MSH6: variants seen among roughly 807,000 people sequenced by gnomAD.
MSH6 encodes the protein DNA mismatch repair protein Msh6.
MSH6 carries 85 observed loss-of-function variants against 119.1 expected under a neutral mutation model. That is an observed-to-expected ratio of 0.71 (90% confidence interval 0.60 to 0.85). The LOEUF is 0.85. Among genes scored for constraint, MSH6 ranks in the 40% least tolerant of loss-of-function variants. MSH6 has a pLI of 0.00. For synonymous variants in MSH6, 830 were observed against 586.9 expected (o/e 1.41, Z -5.99); for missense variants, 2,163 against 1,655.3 (o/e 1.31, Z -5.32).
chr2:47,799,161 C>G lies in MSH6; in HGVS notation c.1178C>G (p.Ala393Gly), dbSNP rs764110569. The G allele has an allele frequency of 5.0e-6, 8 of 1,613,268 alleles. No homozygotes were observed. The highest frequency in any genetic ancestry group is 6.8e-6 in the Non-Finnish European group (8 of 1,179,760). ...AGGCCTGATCACCCCGATTTTGATG[C>G]ATCTACACTCTATGTGCCTGAGGAT... ...RRRPDHPDFDASTLYVPEDFL... is the reference protein window; with the variant it reads ...RRRPDHPDFDGSTLYVPEDFL... Residue 393 changes from alanine (A) to glycine (G), a missense_variant, in exon 4 of 10, where the codon GCA (alanine) becomes GGA (glycine). Coordinates refer to ENST00000234420, the MANE Select transcript of MSH6 (RefSeq NM_000179.3).
chr2:47,806,510 ATAAATTCAT>A lies in MSH6; in HGVS notation c.3864_3872del (p.Phe1289_Lys1291del), dbSNP rs1553333481. ...AGCCAGGAGACTATTACGTTCCTCTATAAATTCATTAAGGGAGCTTGTCCTAAAAGCTAT... is the reference window on the plus strand; with the variant it reads ...AGCCAGGAGACTATTACGTTCCTCTATAAGGGAGCTTGTCCTAAAAGCTAT... On this transcript the variant is annotated inframe_deletion, in exon 9 of 10. Coordinates refer to ENST00000234420, the MANE Select transcript of MSH6 (RefSeq NM_000179.3). 1 of 1,614,082 alleles carries A rather than the reference ATAAATTCAT, an allele frequency of 6.2e-7. No homozygotes were observed. The highest frequency in any genetic ancestry group is 8.5e-7 in the Non-Finnish European group (1 of 1,179,976).
At chr2:47,794,174 C>G (rs1009550875) in intron 2 of MSH6, among the ~76,000 whole-genome samples, 1 of 151,700 alleles carries the variant, frequency 6.6e-6, no homozygotes, top group East Asian at 2.0e-4. Context: ...AACCCTGTCT[C>G]TACTAAAAAT....
intron 2 of MSH6, among the ~76,000 whole-genome samples, chr2:47,791,682 T>C (rs1458785483): frequency 2.0e-5 from 3 of 150,132 alleles, no homozygotes; most frequent in Non-Finnish European, 3.0e-5. Flanking sequence ...TTTCTTTTTT[T>C]TTTTTTTTTT....
chr2:47,783,179 C>G lies in MSH6; in HGVS notation c.-55C>G, dbSNP rs1419093086. The G allele has an allele frequency of 3.4e-5, 54 of 1,602,348 alleles. No individual in the cohort carries two copies. In the East Asian group the frequency reaches 1.1e-3, roughly 33 times the overall value. ...GCCAGCAGGAGCCGCGCGGTAGATG[C>G]GGTGCTTTTAGGAGCTCCGTCCGAC... On this transcript the variant is annotated 5_prime_UTR_variant, in exon 1 of 10. Coordinates refer to ENST00000234420, the MANE Select transcript of MSH6 (RefSeq NM_000179.3).
chr2:47,796,119 G>C (rs1669075371), intron 3 of MSH6, 56 bp downstream of exon 3: 1 of 1,577,582 alleles, frequency 6.3e-7, no homozygotes, highest in South Asian at 1.1e-5. Flanking sequence ...GGGGAAGAAA[G>C]GGGGAGGGTG....
rs1064793423 is a variant in MSH6 at position 47,799,638 on chromosome 2, A to G, written c.1655A>G (p.His552Arg). The G allele has an allele frequency of 6.2e-7, 1 of 1,614,052 alleles. No homozygotes were observed. The highest frequency in any genetic ancestry group is 1.7e-5 in the Admixed American group (1 of 60,000). The part of the protein sequence containing the change: ...LKEKEEDSSG[H>R]TRAYGVCFVD... Reference sequence around the variant, plus strand: ...GAAAAAGAGGAAGATTCTTCTGGCCATACTCGTGCATATGGTGTGTGCTTT... The same window carrying G: ...GAAAAAGAGGAAGATTCTTCTGGCCGTACTCGTGCATATGGTGTGTGCTTT... The change falls in exon 4 of 10, where the codon CAT becomes CGT. Residue 552 changes from histidine to arginine, a missense_variant. Coordinates refer to ENST00000234420, the MANE Select transcript of MSH6 (RefSeq NM_000179.3).
Position 47,791,076 on chromosome 2 carries a change from G to T in MSH6, c.410G>T (p.Ser137Ile), listed in dbSNP as rs1668699972. ...GTTCATGTACAGTTTTTTGATGACAGCCCAACAAGGGGCTGGGTTAGCAAA... is the reference window on the plus strand; with the variant it reads ...GTTCATGTACAGTTTTTTGATGACATCCCAACAAGGGGCTGGGTTAGCAAA... ...VRVHVQFFDD[S>I]PTRGWVSKRL... Residue 137 changes from serine to isoleucine, a missense_variant, in exon 2 of 10, where the codon AGC becomes ATC. Transcript: ENST00000234420. 1 of 1,614,196 alleles carries T rather than the reference G, an allele frequency of 6.2e-7. No individual in the cohort carries two copies. Among genetic ancestry groups the T allele is most frequent in the African/African-American group, 1.3e-5 (1 of 75,044 alleles).
chr2:47,784,352 C>T, intron 1 of MSH6: 1 of 677,300 alleles, frequency 1.5e-6, no homozygotes, highest in Non-Finnish European at 1.8e-6. Context: ...TTATGGGGCA[C>T]CACTGGGCTT....
Position 47,800,623 on chromosome 2 carries a change from T to C in MSH6, c.2640T>C (p.Asp880=), listed in dbSNP as rs371399245. The change falls in exon 4 of 10, where the codon GAT becomes GAC. Residue 880 remains aspartate, a synonymous_variant. Coordinates refer to ENST00000234420, the MANE Select transcript of MSH6 (RefSeq NM_000179.3). ...TAGGGATCATGGAAGAAGTTGCTGA[T>C]GGTTTTAAGTCTAAAATCCTTAAGC... is the stretch of plus-strand genomic sequence containing the variant. ...KIIGIMEEVA[D]GFKSKILKQV... 1 of 1,614,220 alleles carries C rather than the reference T, an allele frequency of 6.2e-7. No individual in the cohort carries two copies. The highest frequency in any genetic ancestry group is 8.5e-7 in the Non-Finnish European group (1 of 1,180,036).
rs35946687 is a variant in MSH6, at chr2:47,800,285, C to T, written c.2302C>T (p.Pro768Ser). The T allele has an allele frequency of 6.2e-7, 1 of 1,614,100 alleles. No individual in the cohort carries two copies. Among genetic ancestry groups the T allele is most frequent in the South Asian group, 1.1e-5 (1 of 91,060 alleles). ...LLERVDTCHT[P>S]FGKRLLKQWL... ...AGAGAGGGTTGATACTTGCCATACT[C>T]CTTTTGGTAAGCGGCTCCTAAAGCA... The change falls in exon 4 of 10, where the codon CCT (proline) becomes TCT (serine). Residue 768 changes from proline to serine, a missense_variant. By Grantham distance (74) the Pro-to-Ser change is moderately conservative. Transcript: ENST00000234420.
intron 4 of MSH6, among the ~76,000 whole-genome samples, chr2:47,802,940 GTC>G (rs1040965734): frequency 1.3e-5 from 2 of 152,068 alleles, no homozygotes; most frequent in African/African-American, 4.8e-5. Context: ...TTGAGACAGA[GTC>G]TCTCTGTCGC....
rs527983057 is a variant in MSH6 at position 47,787,838 on chromosome 2, C to T, written c.261-3089C>T. Among the ~76,000 whole-genome samples, 3 of 152,160 alleles carry T rather than the reference C, an allele frequency of 2.0e-5. No individual in the cohort carries two copies. The East Asian group carries it at 5.8e-4, about 29-fold the overall frequency. On this transcript the variant is annotated intron_variant, in intron 1 of 9. Coordinates refer to ENST00000234420, the MANE Select transcript of MSH6 (RefSeq NM_000179.3). ...TCTCACTGTGTAGCCCAGATGGTCT[C>T]GAATTCCTGGGCTCTTAAGAGATCC...
At chr2:47,787,788 T>C (rs1005284981) in intron 1 of MSH6, among the ~76,000 whole-genome samples, 19 of 152,104 alleles carry the variant, frequency 1.2e-4, no homozygotes, top group African/African-American at 4.6e-4. Context: ...CTGGCTAATT[T>C]TTAAATTTTT....
chr2:47,795,249 T>G (rs1041176349), intron 2 of MSH6, among the ~76,000 whole-genome samples: 1 of 152,178 alleles, frequency 6.6e-6, no homozygotes, highest in African/African-American at 2.4e-5. Flanking sequence ...GAGGTAAAAT[T>G]GGTGATTTTA....
downstream of MSH6, chr2:47,808,651 G>C (rs1044716944): frequency 1.6e-5 from 7 of 442,010 alleles, no homozygotes; most frequent in Non-Finnish European, 2.8e-5. Flanking sequence ...ATTGTATAAA[G>C]GCAGTTCTTT....
intron 3 of MSH6, chr2:47,797,890 C>A: frequency 4.4e-6 from 1 of 226,822 alleles, no homozygotes. Flanking sequence ...CTAGCATTCC[C>A]TTGGATTTTG....
chr2:47,798,038 T>G (rs909504580), intron 3 of MSH6: 1 of 213,438 alleles, frequency 4.7e-6, no homozygotes, highest in Middle Eastern at 2.6e-3. Context: ...TTGCCCTTCT[T>G]GTATTATGTC....
chr2:47,783,227 T>C lies in MSH6; in HGVS notation c.-7T>C, dbSNP rs1057523142. 1 of 1,611,244 alleles carries C rather than the reference T, an allele frequency of 6.2e-7. No individual in the cohort carries two copies. Among genetic ancestry groups the C allele is most frequent in the Non-Finnish European group, 8.5e-7 (1 of 1,179,338 alleles). On this transcript the variant is annotated 5_prime_UTR_variant, in exon 1 of 10. Transcript: ENST00000234420. ...GACAGAACGGTTGGGCCTTGCCGGC[T>C]GTCGGTATGTCGCGACAGAGCACCC...
At position 47,806,025 on chromosome 2, in the gene MSH6, C is replaced by T. The variant is rs55851830; in HGVS notation, c.3647-179C>T. Among the ~76,000 whole-genome samples the T allele has an allele frequency of 2.6e-5, 4 of 152,158 alleles. No homozygotes were observed. The East Asian group carries it at 7.7e-4, about 29-fold the overall frequency. On this transcript the variant is annotated intron_variant, in intron 7 of 9. Transcript: ENST00000234420. ...GATACTGTATTTTCTTTAAAAGAAACCTCACTCCCCATGGGCTGCTAAGCA... is the reference window on the plus strand; with the variant it reads ...GATACTGTATTTTCTTTAAAAGAAATCTCACTCCCCATGGGCTGCTAAGCA...
Sources: gnomAD v4.1 joint callset for allele counts (sites outside exome capture counted in the v4.1 genomes callset) on GRCh38, gnomAD v4.1.1 for gene constraint, MANE v1.5 for transcripts, NCBI Gene and HGNC (gene_info 2026-07-23, HGNC 2026-07-21) for gene names.